The following ELOVL6 variants were observed in gnomAD, a reference collection of about 807,000 sequenced individuals.
ELOVL6 encodes very long chain fatty acid elongase 6.
A neutral mutation model predicts 31.7 loss-of-function variants in ELOVL6; 8 were observed. That is an observed-to-expected ratio of 0.25 (90% CI 0.15 to 0.45). The LOEUF is 0.45. Among genes scored for constraint, ELOVL6 ranks in the 20% least tolerant of loss-of-function variants. ELOVL6 has a pLI of 1.00. For missense variants in ELOVL6, 126 were observed against 326.4 expected, an observed-to-expected ratio of 0.39 and a Z score of 4.73; for synonymous variants, 101 against 117.7, an observed-to-expected ratio of 0.86 and a Z score of 0.92.
chr4:110,159,571 T>C lies in ELOVL6; in HGVS notation c.89+38676A>G, dbSNP rs191360900. ...CTTCCACTTCAGATTTTTATGCATATTCACGTATCAATAAATGCATATACT... is the reference window on the plus strand; with the variant it reads ...CTTCCACTTCAGATTTTTATGCATACTCACGTATCAATAAATGCATATACT... On this transcript the variant is annotated intron_variant, in intron 1 of 3. Coordinates refer to ENST00000302274, the MANE Select transcript of ELOVL6 (RefSeq NM_024090.3). Among the ~76,000 whole-genome samples, 29 of 152,316 alleles carry C rather than the reference T, an allele frequency of 1.9e-4. No homozygotes were observed. The East Asian group carries it at 5.2e-3, about 27-fold the overall frequency.
chr4:110,125,669 TA>T (rs1254411072), intron 1 of ELOVL6, among the ~76,000 whole-genome samples: 1 of 147,646 alleles, frequency 6.8e-6, no homozygotes, highest in Admixed American at 6.8e-5. Context: ...AAAAAAAAAA[TA>T]AAAAAAATTA....
chr4:110,139,419 T>C (rs1360177697), intron 1 of ELOVL6, among the ~76,000 whole-genome samples: 1 of 152,176 alleles, frequency 6.6e-6, no homozygotes, highest in African/African-American at 2.4e-5. Flanking sequence ...TATTTAAGTT[T>C]ATTTTATTTC....
intron 2 of ELOVL6, among the ~76,000 whole-genome samples, chr4:110,083,998 ATATGCCATATATGG>A (rs1416794648): frequency 2.0e-5 from 2 of 100,502 alleles, no homozygotes; most frequent in African/African-American, 6.9e-5. Flanking sequence ...GATATATAAC[ATATGCCATATATGG>A]TATATAACAT....
intron 1 of ELOVL6, chr4:110,117,835 T>C (rs1276071261): frequency 1.9e-5 from 2 of 104,374 alleles, no homozygotes; most frequent in African/African-American, 3.8e-5. Flanking sequence ...TGAGCCGAGA[T>C]TGCACCACTG....
At chr4:110,189,353 G>A (rs180936651) in intron 1 of ELOVL6, among the ~76,000 whole-genome samples, 3 of 151,930 alleles carry the variant, frequency 2.0e-5, no homozygotes, top group East Asian at 1.9e-4. Flanking sequence ...TTGGGAGGCC[G>A]AGGTGGGCGG....
chr4:110,105,598 A>G lies in ELOVL6; in HGVS notation c.120T>C (p.Tyr40=), dbSNP rs1436975926. The change falls in exon 2 of 4, where the codon TAT becomes TAC. Residue 40 remains tyrosine, a synonymous_variant. Transcript: ENST00000302274. ...GCCGACCACCGAATATAAAGGCAGC[A>G]TACAGAGCAGAAAACAGGAAAGATT... ...WKKSFLFSAL[Y]AAFIFGGRHL... is the part of the protein sequence containing the mutation. 2.5e-6 allele frequency: 4 copies of G among 1,613,280 alleles called. No homozygotes were observed. The highest frequency in any genetic ancestry group is 2.5e-6 in the Non-Finnish European group (3 of 1,179,588).
intron 2 of ELOVL6, among the ~76,000 whole-genome samples, chr4:110,094,725 A>G (rs1756529461): frequency 6.6e-6 from 1 of 151,784 alleles, no homozygotes; most frequent in Admixed American, 6.6e-5. Flanking sequence ...ACATAACATC[A>G]GTCTTTGATT....
chr4:110,191,628 A>G (rs1010976786), intron 1 of ELOVL6, among the ~76,000 whole-genome samples: 1 of 152,122 alleles, frequency 6.6e-6, no homozygotes, highest in Non-Finnish European at 1.5e-5. Context: ...CAGATCACTT[A>G]AGCCAAGATA....
intron 1 of ELOVL6, among the ~76,000 whole-genome samples, chr4:110,188,859 C>T (rs1759523428): frequency 6.7e-6 from 1 of 150,074 alleles, no homozygotes; most frequent in Non-Finnish European, 1.5e-5. Flanking sequence ...CCATTGCACT[C>T]CACTGGGCAA....
At chr4:110,138,206 C>T (rs899966081) in intron 1 of ELOVL6, among the ~76,000 whole-genome samples, 2 of 152,180 alleles carry the variant, frequency 1.3e-5, no homozygotes, top group African/African-American at 4.8e-5. Context: ...CTAATAAACA[C>T]CACTGAAATA....
chr4:110,100,499 T>A (rs898788659), intron 2 of ELOVL6, among the ~76,000 whole-genome samples: 19 of 152,122 alleles, frequency 1.2e-4, no homozygotes, highest in Admixed American at 3.9e-4. Context: ...TGTTTTTTTT[T>A]AAGTATGCTG....
At chr4:110,108,803 G>A (rs562999689) in intron 1 of ELOVL6, among the ~76,000 whole-genome samples, 1 of 152,292 alleles carries the variant, frequency 6.6e-6, no homozygotes, top group African/African-American at 2.4e-5. Flanking sequence ...TGTGATCAAA[G>A]TAAGTTTTTC....
At position 110,048,140 on chromosome 4, in the gene ELOVL6, T is replaced by C. The variant is rs1217057233; in HGVS notation, c.*3198A>G. 1.3e-5 allele frequency: 2 copies of C among 152,208 alleles called. No homozygotes were observed. The highest frequency in any genetic ancestry group is 2.9e-5 in the Non-Finnish European group (2 of 68,028). The allele number at this position is 152,208 out of a possible 1,614,324, so 9.4% of individuals were successfully genotyped here. Reference sequence around the variant, plus strand: ...TGTAAAGTATTCCCTCTTCTCCCCTTACTTTTGTAGTGGAGCATAATTAGA... The same window carrying C: ...TGTAAAGTATTCCCTCTTCTCCCCTCACTTTTGTAGTGGAGCATAATTAGA... On this transcript the variant is annotated 3_prime_UTR_variant, in exon 4 of 4. Transcript: ENST00000302274.
chr4:110,084,488 G>GTGTATATATTA lies in ELOVL6; in HGVS notation c.221+21008_221+21009insTAATATATACA, dbSNP rs1756154837. Among the ~76,000 whole-genome samples the GTGTATATATTA allele has an allele frequency of 9.6e-5, 4 of 41,716 alleles. No homozygotes were observed. The East Asian group carries it at 2.1e-3, about 22-fold the overall frequency. The allele number at this position is 41,716 out of a possible 152,430, so 27.4% of individuals were successfully genotyped here. On this transcript the variant is annotated intron_variant, in intron 2 of 3. Transcript: ENST00000302274. ...GATATATAACAATATACACTATAAT[G>GTGTATATATTA]TATACACATATATATCATATATGTG...
intron 3 of ELOVL6, 104 bp downstream of exon 3, chr4:110,059,499 C>T: frequency 4.7e-6 from 6 of 1,266,506 alleles, no homozygotes; most frequent in Non-Finnish European, 6.5e-6. Context: ...AACTTTCTTG[C>T]AACCAACAAA....
chr4:110,144,931 C>A (rs757206763), intron 1 of ELOVL6, among the ~76,000 whole-genome samples: 1 of 152,082 alleles, frequency 6.6e-6, no homozygotes, highest in African/African-American at 2.4e-5. Flanking sequence ...TAGTCAATCA[C>A]CTCTCTTTTT....
chr4:110,107,184 T>C (rs1437806727), intron 1 of ELOVL6, among the ~76,000 whole-genome samples: 1 of 152,208 alleles, frequency 6.6e-6, no homozygotes, highest in African/African-American at 2.4e-5. Flanking sequence ...CCTATGTAAA[T>C]GAATGCAAGT....
Position 110,189,276 on chromosome 4 carries a change from CCT to C in ELOVL6, c.89+8969_89+8970del, listed in dbSNP as rs1004218044. On this transcript the variant is annotated intron_variant, in intron 1 of 3. Coordinates refer to ENST00000302274, the MANE Select transcript of ELOVL6 (RefSeq NM_024090.3). ...CTCCAGCCTGGGTGACAAGCAAGAC[CCT>C]GTCTCTATTTAAAAAAGAGAGAGAG... 1.8e-4 allele frequency among the ~76,000 whole-genome samples: 27 copies of C among 151,864 alleles called. 1 individual carries two copies. The highest frequency in any genetic ancestry group is 1.6e-3 in the Admixed American group (25 of 15,222).
chr4:110,194,065 G>A (rs1276912724), intron 1 of ELOVL6, among the ~76,000 whole-genome samples: 1 of 152,194 alleles, frequency 6.6e-6, no homozygotes, highest in East Asian at 1.9e-4. Flanking sequence ...CTGGCAGGCT[G>A]CTGAAAGAGA....
Sources: allele counts gnomAD v4.1 joint callset (sites outside exome capture counted in the v4.1 genomes callset), GRCh38; gene constraint gnomAD v4.1.1; transcripts MANE v1.5; gene names NCBI Gene and HGNC (gene_info 2026-07-23, HGNC 2026-07-21).